NGDN: variants seen among roughly 807,000 people sequenced by gnomAD.
NGDN encodes the protein EIF4E-binding protein.
NGDN carries 41 observed loss-of-function variants against 45.2 expected under a neutral mutation model. The ratio of observed to expected loss-of-function variants is 0.91; its 90% CI spans 0.71 to 1.18. NGDN has a LOEUF of 1.18. Ranked by LOEUF, NGDN falls within the 50% of genes most tolerant of loss-of-function variation. The pLI, the probability that NGDN is intolerant of heterozygous loss-of-function variation, is 0.00. For missense variants in NGDN, 402 were observed against 399.9 expected (o/e 1.01, Z -0.05); for synonymous variants, 137 against 130.9 (o/e 1.05, Z -0.32).
In NGDN at chr14:23,475,793, T is replaced by C; in HGVS notation, c.420+15T>C. The C allele has an allele frequency of 6.2e-7, 1 of 1,609,972 alleles. No homozygotes were observed. The highest frequency in any genetic ancestry group is 1.3e-5 in the African/African-American group (1 of 74,812). On this transcript the variant is annotated intron_variant, in intron 6 of 10. Coordinates refer to ENST00000408901, the MANE Select transcript of NGDN (RefSeq NM_001042635.2). ...TGATGAGCAAGGTAAGGGGTTGTAG[T>C]ATTCTCCTGATTTTTTTCTGAGGCA... is the stretch of plus-strand genomic sequence containing the variant.
chr14:23,471,076 C>A, intron 3 of NGDN, 99 bp downstream of exon 3: 1 of 754,488 alleles, frequency 1.3e-6, no homozygotes, highest in Non-Finnish European at 2.0e-6. Flanking sequence ...AGTGCTCGAG[C>A]TTCAAACATA....
intron 8 of NGDN, 59 bp downstream of exon 8, chr14:23,476,466 A>G: frequency 1.4e-6 from 2 of 1,405,238 alleles, no homozygotes; most frequent in Non-Finnish European, 1.9e-6. Context: ...CTCATGCTTT[A>G]TACTAATGTG....
intron 2 of NGDN, 70 bp downstream of exon 2, chr14:23,470,171 C>T: frequency 1.5e-6 from 2 of 1,365,768 alleles, no homozygotes; most frequent in Non-Finnish European, 2.1e-6. Flanking sequence ...CACCTCAAAA[C>T]TTTGGTGATT....
At position 23,478,036 on chromosome 14, in the gene NGDN, T is replaced by TA. The variant is rs778601419; in HGVS notation, c.*11dup. 38 of 1,613,128 alleles carry TA rather than the reference T, an allele frequency of 2.4e-5. No individual in the cohort carries two copies. Among genetic ancestry groups the TA allele is most frequent in the Admixed American group, 2.2e-4 (13 of 60,006 alleles). On this transcript the variant is annotated 3_prime_UTR_variant, in exon 11 of 11. Coordinates refer to ENST00000408901, the MANE Select transcript of NGDN (RefSeq NM_001042635.2). ...TCGGAGGCGGCGGTGATTATGGGTGTACATATTTGTATATTTTTTGTCATC... is the reference window on the plus strand; with the variant it reads ...TCGGAGGCGGCGGTGATTATGGGTGTAACATATTTGTATATTTTTTGTCATC...
At chr14:23,475,664 A>C (rs1194857005) in intron 5 of NGDN, 22 bp downstream of exon 5, 1 of 1,613,716 alleles carries the variant, frequency 6.2e-7, no homozygotes, top group African/African-American at 1.3e-5. Context: ...GACCATCATG[A>C]AGTTGTGGGG....
chr14:23,477,668 C>T (rs1169474982), intron 10 of NGDN, 108 bp downstream of exon 10: 22 of 1,550,728 alleles, frequency 1.4e-5, no homozygotes, highest in Non-Finnish European at 1.6e-5. Flanking sequence ...AGTATCTCTT[C>T]CATACTGGGC....
chr14:23,470,948 G>C lies in NGDN; in HGVS notation c.115G>C (p.Val39Leu). The change falls in exon 3 of 11, where the codon GTT becomes CTT. Residue 39 changes from valine to leucine, a missense_variant. Physicochemically the swap from Val to Leu is conservative, Grantham distance 32. Transcript: ENST00000408901. ...ACAAGTGAAATCACTGACACAAAAA[G>C]TTCAAGCTGGTGCCTATCCTACAGA... Reference protein sequence around the residue: ...TAQVKSLTQKVQAGAYPTEKG... With the variant: ...TAQVKSLTQKLQAGAYPTEKG... The C allele has an allele frequency of 6.4e-7, 1 of 1,552,424 alleles. No homozygotes were observed. The highest frequency in any genetic ancestry group is 8.7e-7 in the Non-Finnish European group (1 of 1,155,196).
At chr14:23,475,856 C>G in intron 6 of NGDN, 78 bp downstream of exon 6, 1 of 1,490,458 alleles carries the variant, frequency 6.7e-7, no homozygotes, top group Admixed American at 1.9e-5. Context: ...TCCTGGATAC[C>G]CTGGGATTCT....
At chr14:23,470,773 T>G in intron 2 of NGDN, 133 bp from the exon 3 acceptor site, 1 of 560,096 alleles carries the variant, frequency 1.8e-6, no homozygotes, top group Non-Finnish European at 3.1e-6. Context: ...TTCCGAGAAG[T>G]GAGAAGATAG....
rs1893746703 is a variant in NGDN, at chr14:23,470,387, TA to T, written c.72+288del. 2.8e-5 allele frequency: 12 copies of T among 425,582 alleles called. 1 individual carries two copies. The South Asian group carries it at 3.3e-4, about 12-fold the overall frequency. The allele number at this position is 425,582 out of a possible 1,614,324, so 26.4% of individuals were successfully genotyped here. On this transcript the variant is annotated intron_variant, in intron 2 of 10. Coordinates refer to ENST00000408901, the MANE Select transcript of NGDN (RefSeq NM_001042635.2). ...ATGACTTGCCCTTTGGGTGCCCAGGTAATACACACTTATATACAGATGCTTC... is the reference window on the plus strand; with the variant it reads ...ATGACTTGCCCTTTGGGTGCCCAGGTATACACACTTATATACAGATGCTTC...
chr14:23,474,372 A>T (rs941494521), intron 3 of NGDN, among the ~76,000 whole-genome samples: 17 of 152,268 alleles, frequency 1.1e-4, no homozygotes, highest in Non-Finnish European at 2.4e-4. Context: ...ATGAAAAATC[A>T]GTATAATCAC....
rs759084132 is a variant in NGDN, at chr14:23,477,502, G to C, written c.871-1G>C. On this transcript the variant is annotated splice_acceptor_variant, in intron 9 of 10. Transcript: ENST00000408901. LOFTEE classifies it high-confidence loss of function. ...TCCATCACTTCTCCATCTGTCTCCAGGATCAGAATCCTATTAAGAAGCGGA... is the reference window on the plus strand; with the variant it reads ...TCCATCACTTCTCCATCTGTCTCCACGATCAGAATCCTATTAAGAAGCGGA... 1 of 1,614,162 alleles carries C rather than the reference G, an allele frequency of 6.2e-7. No individual in the cohort carries two copies. Among genetic ancestry groups the C allele is most frequent in the South Asian group, 1.1e-5 (1 of 91,088 alleles).
rs112544695 is a variant in NGDN, at chr14:23,475,791, A to G, written c.420+13A>G. The G allele has an allele frequency of 2.7e-4, 439 of 1,610,648 alleles. 4 individuals are homozygous for G. The African/African-American group carries it at 4.0e-3, about 15-fold the overall frequency. The stretch of plus-strand genomic sequence containing the variant: ...TATGATGAGCAAGGTAAGGGGTTGT[A>G]GTATTCTCCTGATTTTTTTCTGAGG... On this transcript the variant is annotated intron_variant, in intron 6 of 10. Coordinates refer to ENST00000408901, the MANE Select transcript of NGDN (RefSeq NM_001042635.2).
intron 2 of NGDN, chr14:23,470,302 T>G: frequency 1.8e-6 from 1 of 562,866 alleles, no homozygotes; most frequent in Non-Finnish European, 3.2e-6. Context: ...CAAAAAGAAA[T>G]TATATGAATA....
At chr14:23,470,842 C>A in intron 2 of NGDN, 64 bp from the exon 3 acceptor site, 2 of 1,316,682 alleles carry the variant, frequency 1.5e-6, no homozygotes, top group South Asian at 1.4e-5. Context: ...AGCTTTTGCT[C>A]TTCACAGTTT....
intron 3 of NGDN, among the ~76,000 whole-genome samples, chr14:23,474,650 A>G (rs985486618): frequency 1.3e-5 from 2 of 152,186 alleles, no homozygotes; most frequent in African/African-American, 4.8e-5. Flanking sequence ...ATTTAATTCG[A>G]TGTCATTATA....
intron 10 of NGDN, 48 bp from the exon 11 acceptor site, chr14:23,477,958 AG>A: frequency 6.2e-7 from 1 of 1,613,860 alleles, no homozygotes. Flanking sequence ...CTGTCCCTTT[AG>A]CTTTTCCAAC....
chr14:23,475,834 G>A lies in NGDN; in HGVS notation c.420+56G>A, dbSNP rs369273327. On this transcript the variant is annotated intron_variant, in intron 6 of 10. Transcript: ENST00000408901. The stretch of plus-strand genomic sequence containing the variant: ...TTCTGAGGCAGCTATACCTAGATGA[G>A]CCTCTTGGTGATCCTGGATACCCTG... 18 of 1,531,264 alleles carry A rather than the reference G, an allele frequency of 1.2e-5. No homozygotes were observed. The African/African-American group carries it at 2.5e-4, about 21-fold the overall frequency. 94.9% of individuals were successfully genotyped at this position (1,531,264 alleles called of 1,614,324 possible).
In NGDN at chr14:23,476,064, A is replaced by C. The variant is rs745614689; in HGVS notation, c.456A>C (p.Glu152Asp). The C allele has an allele frequency of 9.9e-6, 16 of 1,614,076 alleles. No individual in the cohort carries two copies. The South Asian group carries it at 1.4e-4, about 14-fold the overall frequency. The change falls in exon 7 of 11, where the codon GAA (glutamate) becomes GAC (aspartate). Residue 152 changes from glutamate (E) to aspartate (D), a missense_variant. Transcript: ENST00000408901. ...SSEDEEEDEA[E>D]DDQSEASGKK... ...AGGATGAGGAGGAAGATGAAGCAGA[A>C]GATGACCAGTCTGAGGCTTCAGGGA...
Sources: allele counts gnomAD v4.1 joint callset (sites outside exome capture counted in the v4.1 genomes callset), GRCh38; gene constraint gnomAD v4.1.1; transcripts MANE v1.5; gene names NCBI Gene and HGNC (gene_info 2026-07-23, HGNC 2026-07-21).